The following KMT2D variants were observed in gnomAD, a reference collection of about 807,000 sequenced individuals.
KMT2D encodes histone-lysine N-methyltransferase 2D.
In KMT2D, 55 loss-of-function variants were observed where a neutral mutation model predicts 512.7. The ratio of observed to expected loss-of-function variants is 0.11; its 90% CI spans 0.09 to 0.13. KMT2D has a LOEUF of 0.13. KMT2D is among the 10% of genes least tolerant of loss of function. The pLI is 1.00. For missense variants in KMT2D, 6,061 were observed against 7,127.9 expected (o/e 0.85, Z 5.39); for synonymous variants, 2,995 against 2,904.0 (o/e 1.03, Z -1.01).
chr12:49,040,634 G>A lies in KMT2D; in HGVS notation c.7136C>T (p.Ala2379Val), dbSNP rs200842315. Residue 2379 changes from alanine to valine, a missense_variant, in exon 32 of 55, where the codon GCT becomes GTT. Ala to Val is a moderately conservative substitution (Grantham distance 64). This residue lies in a region of KMT2D where 710 missense variants were observed against 647.3 expected (regional missense o/e 1.10). Transcript: ENST00000301067. ...FRPGSYTDPYAQPPLTPRPQP... is the reference protein window; with the variant it reads ...FRPGSYTDPYVQPPLTPRPQP... ...GGGCCGAGGAGTCAATGGGGGCTGAGCATATGGGTCAGTGTAGGAGCCAGG... is the reference window on the plus strand; with the variant it reads ...GGGCCGAGGAGTCAATGGGGGCTGAACATATGGGTCAGTGTAGGAGCCAGG... 3.8e-5 allele frequency: 61 copies of A among 1,613,528 alleles called. No homozygotes were observed. The highest frequency in any genetic ancestry group is 4.7e-5 in the Non-Finnish European group (55 of 1,179,698).
At chr12:49,057,671 G>C (rs573306456) in intron 1 of KMT2D, among the ~76,000 whole-genome samples, 1 of 152,296 alleles carries the variant, frequency 6.6e-6, no homozygotes, top group Non-Finnish European at 1.5e-5. Flanking sequence ...GTCCAGCACA[G>C]GGATCCCAAT....
In KMT2D at chr12:49,034,151, A is replaced by G. The variant is rs1433041391; in HGVS notation, c.10656T>C (p.Ala3552=). Residue 3552 remains alanine (A), a synonymous_variant, in exon 39 of 55, where the codon GCT becomes GCC. Coordinates refer to ENST00000301067, the MANE Select transcript of KMT2D (RefSeq NM_003482.4). ...LCAKQRTAKK[A]GREFPEADAE... is the part of the protein sequence containing the mutation. ...CATCAGCTTCTGGGAACTCACGGCC[A>G]GCTTTTTTGGCAGTGCGCTGCTTGG... 6.2e-7 allele frequency: 1 copy of G among 1,613,236 alleles called. No homozygotes were observed. The highest frequency in any genetic ancestry group is 1.3e-5 in the African/African-American group (1 of 74,902).
rs768594066 is a variant in KMT2D at position 49,026,962 on chromosome 12, G to A, written c.15004C>T (p.Arg5002Trp). The A allele has an allele frequency of 1.2e-5, 19 of 1,613,864 alleles. No homozygotes were observed. Among genetic ancestry groups the A allele is most frequent in the African/African-American group, 8.0e-5 (6 of 74,942 alleles). ...LLLTIQKGSGRQEDEREVAEF... is the reference protein window; with the variant it reads ...LLLTIQKGSGWQEDEREVAEF... ...GCCACTTCCCGCTCATCCTCCTGCC[G>A]CCCACTGCCCTTCTGGATGGTCAGC... Residue 5002 changes from arginine (R) to tryptophan (W), a missense_variant, in exon 49 of 55, where the codon CGG becomes TGG. Arg to Trp is a moderately radical substitution (Grantham distance 101). This residue lies in a region of KMT2D where 1,600 missense variants were observed against 1,754.9 expected (regional missense o/e 0.91). Transcript: ENST00000301067. The surrounding 1 kb of genome is among the most constrained non-coding windows in gnomAD (Gnocchi z 9.6).
Position 49,028,217 on chromosome 12 carries a change from G to A in KMT2D, c.14383-76C>T, listed in dbSNP as rs897086735. The A allele has an allele frequency of 1.9e-6, 3 of 1,587,730 alleles. No individual in the cohort carries two copies. The Admixed American group carries it at 5.2e-5, about 28-fold the overall frequency. Reference sequence around the variant, plus strand: ...GGTGAGCTCTACTACCAGCTGGGTGGGGACAAGGACACCTAGAACCCACTC... The same window carrying A: ...GGTGAGCTCTACTACCAGCTGGGTGAGGACAAGGACACCTAGAACCCACTC... On this transcript the variant is annotated intron_variant, in intron 46 of 54. Coordinates refer to ENST00000301067, the MANE Select transcript of KMT2D (RefSeq NM_003482.4).
At position 49,040,684 on chromosome 12, in the gene KMT2D, A is replaced by C. The variant is rs1359298295; in HGVS notation, c.7086T>G (p.Pro2362=). 1 of 1,613,674 alleles carries C rather than the reference A, an allele frequency of 6.2e-7. No homozygotes were observed. The highest frequency in any genetic ancestry group is 1.1e-5 in the South Asian group (1 of 91,080). ...GGCGAAAGATGTCTGGGTGACTTGGAGGAGAAGGTGCCAAAGCCTGGGCAG... is the reference window on the plus strand; with the variant it reads ...GGCGAAAGATGTCTGGGTGACTTGGCGGAGAAGGTGCCAAAGCCTGGGCAG... The part of the protein sequence containing the change: ...PPPAQALAPS[P]PSHPDIFRPG... Residue 2362 remains proline, a synonymous_variant, in exon 32 of 55, where the codon CCT becomes CCG. Transcript: ENST00000301067.
Position 49,030,303 on chromosome 12 carries a change from C to T in KMT2D, c.13976G>A (p.Arg4659Gln), listed in dbSNP as rs1218766571. Residue 4659 changes from arginine to glutamine, a missense_variant, in exon 43 of 55, where the codon CGG becomes CAG. This residue lies in a region of KMT2D where 1,600 missense variants were observed against 1,754.9 expected (regional missense o/e 0.91). Transcript: ENST00000301067. ...GEHPKDAASARDSERALRDTS... is the reference protein window; with the variant it reads ...GEHPKDAASAQDSERALRDTS... ...ACCCCTCAGTGCCCTTTCACTATCCCGGGCAGAGGCAGCATCCTTGGGGTG... is the reference window on the plus strand; with the variant it reads ...ACCCCTCAGTGCCCTTTCACTATCCTGGGCAGAGGCAGCATCCTTGGGGTG... The T allele has an allele frequency of 6.3e-6, 10 of 1,593,434 alleles. No homozygotes were observed. The highest frequency in any genetic ancestry group is 3.4e-5 in the South Asian group (3 of 88,800).
At position 49,029,483 on chromosome 12, in the gene KMT2D, G is replaced by A. The variant is rs1280181006; in HGVS notation, c.14000-7C>T. The stretch of plus-strand genomic sequence containing the variant: ...CTCTTCACCTCTGAAGTATCTGAGG[G>A]GTGGGTAGGGAGAAGAAAAGTCAGG... On this transcript the variant is annotated splice_region_variant and splice_polypyrimidine_tract_variant and intron_variant, in intron 43 of 54. Coordinates refer to ENST00000301067, the MANE Select transcript of KMT2D (RefSeq NM_003482.4). 7 of 1,551,824 alleles carry A rather than the reference G, an allele frequency of 4.5e-6. No individual in the cohort carries two copies. Among genetic ancestry groups the A allele is most frequent in the Middle Eastern group, 1.7e-4 (1 of 5,988 alleles).
In KMT2D at chr12:49,022,548, G is replaced by GT; in HGVS notation, c.16338+41dup. The GT allele has an allele frequency of 6.3e-7, 1 of 1,595,210 alleles. No homozygotes were observed. Among genetic ancestry groups the GT allele is most frequent in the East Asian group, 2.2e-5 (1 of 44,658 alleles). On this transcript the variant is annotated intron_variant, in intron 52 of 54. Coordinates refer to ENST00000301067, the MANE Select transcript of KMT2D (RefSeq NM_003482.4). The surrounding 1 kb of genome is among the most constrained non-coding windows in gnomAD (Gnocchi z 8.6). ...AATCCTGCCCTTGCTCCTTGGTTGA[G>GT]TGCAGACTATGCACCACAATGGCCC... is the stretch of plus-strand genomic sequence containing the variant.
Position 49,021,044 on chromosome 12 carries a change from A to G in KMT2D, c.*736T>C, listed in dbSNP as rs1487536077. ...AGGTGGGGGAGAGGGTTGGGGCAGT[A>G]GGGGGCTTGGAGAGGGTCTCACATT... is the stretch of plus-strand genomic sequence containing the variant. On this transcript the variant is annotated 3_prime_UTR_variant, in exon 55 of 55. Transcript: ENST00000301067. 4 of 195,176 alleles carry G rather than the reference A, an allele frequency of 2.0e-5. No homozygotes were observed. Among genetic ancestry groups the G allele is most frequent in the Admixed American group, 6.1e-5 (1 of 16,390 alleles). The allele number at this position is 195,176 out of a possible 1,614,324, so 12.1% of individuals were successfully genotyped here.
Position 49,044,585 on chromosome 12 carries a change from T to A in KMT2D, c.4964-63A>T. On this transcript the variant is annotated intron_variant, in intron 20 of 54. Transcript: ENST00000301067. This position sits in a 1 kb window ranked among gnomAD's most constrained non-coding sequence, Gnocchi z 6.4. ...ACTATAGGCCCTTTTAACCTTGTCA[T>A]CCTGCCACTGAGAGAGCTGAATACC... 6.3e-7 allele frequency: 1 copy of A among 1,590,152 alleles called. No homozygotes were observed.
rs767133860 is a variant in KMT2D at position 49,042,722 on chromosome 12, C to G, written c.5782+19G>C. On this transcript the variant is annotated intron_variant, in intron 27 of 54. Coordinates refer to ENST00000301067, the MANE Select transcript of KMT2D (RefSeq NM_003482.4). This position sits in a 1 kb window ranked among gnomAD's most constrained non-coding sequence, Gnocchi z 4.4. ...AAGCTTGGTTATGTCAGTCTTCAGA[C>G]CACTCCCACCTGTATTACCTTGAAG... 1.1e-5 allele frequency: 17 copies of G among 1,610,592 alleles called. No individual in the cohort carries two copies. The highest frequency in any genetic ancestry group is 3.3e-5 in the Admixed American group (2 of 59,730).
rs369799687 is a variant in KMT2D, at chr12:49,028,088, G to A, written c.14436C>T (p.Pro4812=). The A allele has an allele frequency of 1.4e-4, 233 of 1,613,816 alleles. No individual in the cohort carries two copies. Among genetic ancestry groups the A allele is most frequent in the Non-Finnish European group, 1.9e-4 (222 of 1,179,874 alleles). The change falls in exon 47 of 55, where the codon CCC becomes CCT. Residue 4812 remains proline (P), a synonymous_variant. Coordinates refer to ENST00000301067, the MANE Select transcript of KMT2D (RefSeq NM_003482.4). ...AVAELLSMKI[P]NSYEVLFPES... Reference sequence around the variant, plus strand: ...CTGGGAACAGCACCTCATAGGAGTTGGGGATCTTCATGCTCAGCAGCTCCG... The same window carrying A: ...CTGGGAACAGCACCTCATAGGAGTTAGGGATCTTCATGCTCAGCAGCTCCG...
At chr12:49,029,533 C>T in intron 43 of KMT2D, 57 bp from the exon 44 acceptor site, 1 of 1,286,012 alleles carries the variant, frequency 7.8e-7, no homozygotes, top group Non-Finnish European at 1.1e-6. Context: ...GCTGATGGTA[C>T]CTTCTCCCAA....
At position 49,039,822 on chromosome 12, in the gene KMT2D, T is replaced by C. The variant is rs2120517429; in HGVS notation, c.7948A>G (p.Thr2650Ala). Residue 2650 changes from threonine (T) to alanine (A), a missense_variant, in exon 32 of 55, where the codon ACT becomes GCT. Thr to Ala is a moderately conservative substitution (Grantham distance 58). Around this residue, in one of 16 missense-constraint regions of KMT2D, gnomAD observed 527 missense variants for 578.9 expected, o/e 0.91. Transcript: ENST00000301067. This position sits in a 1 kb window ranked among gnomAD's most constrained non-coding sequence, Gnocchi z 5.0. The part of the protein sequence containing the change: ...SPVEKREDPG[T>A]GMGSSLATAE... ...GTCGCCAAAGAGCTACCCATTCCAG[T>C]CCCTGGGTCTTCTCGCTTTTCGACA... 1 of 1,614,012 alleles carries C rather than the reference T, an allele frequency of 6.2e-7. No homozygotes were observed. The highest frequency in any genetic ancestry group is 1.1e-5 in the South Asian group (1 of 91,086).
In KMT2D at chr12:49,032,434, G is replaced by T. The variant is rs892835082; in HGVS notation, c.12271C>A (p.Leu4091Met). 6.3e-7 allele frequency: 1 copy of T among 1,575,340 alleles called. No individual in the cohort carries two copies. Among genetic ancestry groups the T allele is most frequent in the South Asian group, 1.2e-5 (1 of 86,892 alleles). The change falls in exon 40 of 55, where the codon CTG becomes ATG. Residue 4091 changes from leucine to methionine, a missense_variant. Leu to Met is a conservative substitution (Grantham distance 15, BLOSUM62 2). Transcript: ENST00000301067. ...CCTGGAAGCCTCAGAGGTGGCTGCA[G>T]CTGCAGAGAGCTGGGCTGAGGCTGG... ...QPQPQPSSLQLQPPLRLPGQQ... is the reference protein window; with the variant it reads ...QPQPQPSSLQMQPPLRLPGQQ...
In KMT2D at chr12:49,019,002, T is replaced by G. The variant is rs1942153039; in HGVS notation, c.*2778A>C. On this transcript the variant is annotated 3_prime_UTR_variant, in exon 55 of 55. Coordinates refer to ENST00000301067, the MANE Select transcript of KMT2D (RefSeq NM_003482.4). ...GTATTTAAAATGTTCTTTTTTTATT[T>G]GTCGTTTAAAAACAAACTTGGAAGA... is the stretch of plus-strand genomic sequence containing the variant. 2 of 1,400,732 alleles carry G rather than the reference T, an allele frequency of 1.4e-6. No individual in the cohort carries two copies. Among genetic ancestry groups the G allele is most frequent in the Non-Finnish European group, 1.8e-6 (2 of 1,081,566 alleles). 86.8% of individuals were successfully genotyped at this position (1,400,732 alleles called of 1,614,324 possible).
chr12:49,041,624 G>C lies in KMT2D; in HGVS notation c.6234+31C>G, dbSNP rs1469413011. ...CCTCAAGAGAGGCCACCCACTAGAG[G>C]ACTGCTACACCCCAGCCCAGCCCCA... On this transcript the variant is annotated intron_variant, in intron 31 of 54. Coordinates refer to ENST00000301067, the MANE Select transcript of KMT2D (RefSeq NM_003482.4). The surrounding 1 kb of genome is among the most constrained non-coding windows in gnomAD (Gnocchi z 5.4). The C allele has an allele frequency of 6.2e-7, 1 of 1,613,398 alleles. No individual in the cohort carries two copies. Among genetic ancestry groups the C allele is most frequent in the Non-Finnish European group, 8.5e-7 (1 of 1,179,594 alleles).
In KMT2D at chr12:49,033,100, A is replaced by T. The variant is rs2120438841; in HGVS notation, c.11605T>A (p.Ser3869Thr). The T allele has an allele frequency of 1.3e-6, 2 of 1,550,224 alleles. No homozygotes were observed. The highest frequency in any genetic ancestry group is 1.7e-6 in the Non-Finnish European group (2 of 1,146,672). ...TGAAGATGGGACAGCCCTGCCATGG[A>T]CCCTTGCTGTTGGTGCTGTTGTTGC... ...QQQQQHQQQG[S>T]MAGLSHLQQS... The change falls in exon 40 of 55, where the codon TCC becomes ACC. Residue 3869 changes from serine to threonine, a missense_variant. This residue lies in a region of KMT2D where 1,600 missense variants were observed against 1,754.9 expected (regional missense o/e 0.91). Coordinates refer to ENST00000301067, the MANE Select transcript of KMT2D (RefSeq NM_003482.4).
In KMT2D at chr12:49,041,711, G is replaced by A; in HGVS notation, c.6184-6C>T. 1 of 1,609,428 alleles carries A rather than the reference G, an allele frequency of 6.2e-7. No homozygotes were observed. Among genetic ancestry groups the A allele is most frequent in the South Asian group, 1.1e-5 (1 of 90,460 alleles). On this transcript the variant is annotated splice_polypyrimidine_tract_variant and splice_region_variant and intron_variant, in intron 30 of 54. Transcript: ENST00000301067. The surrounding 1 kb of genome is among the most constrained non-coding windows in gnomAD (Gnocchi z 5.4). Reference sequence around the variant, plus strand: ...CGGTTATCTTTGGCCTTTTGCTGAGGGATATGGGACACAGCCTTAGGGCCT... The same window carrying A: ...CGGTTATCTTTGGCCTTTTGCTGAGAGATATGGGACACAGCCTTAGGGCCT...
Sources: gnomAD v4.1 joint callset for allele counts (sites outside exome capture counted in the v4.1 genomes callset) on GRCh38, gnomAD v4.1.1 for gene constraint, gnomAD v4.1.1 regional missense constraint, Gnocchi (gnomAD v3.1) non-coding constraint, MANE v1.5 for transcripts, NCBI Gene and HGNC (gene_info 2026-07-23, HGNC 2026-07-21) for gene names.